The following VIPR1 variants were observed in gnomAD, a reference collection of about 807,000 sequenced individuals.
The protein encoded by VIPR1 is vasoactive intestinal polypeptide receptor 1.
Under a neutral mutation model 58.8 loss-of-function variants are expected in VIPR1, and 59 were observed. That is an observed-to-expected ratio of 1.00 (90% CI 0.81 to 1.25). The LOEUF (loss-of-function observed/expected upper bound fraction) is 1.25, where lower values mean the gene tolerates loss of function less well. Ranked by LOEUF, VIPR1 falls within the 50% of genes most tolerant of loss-of-function variation. The probability of loss-of-function intolerance (pLI) is 0.00; values close to 1 mark genes in which losing one functional copy is unlikely to be tolerated. For synonymous variants in VIPR1, 251 were observed against 242.1 expected (o/e 1.04, Z -0.34); for missense variants, 626 against 602.7 (o/e 1.04, Z -0.40).
chr3:42,517,876 T>C (rs1462412612), intron 2 of VIPR1, among the ~76,000 whole-genome samples: 2 of 152,124 alleles, frequency 1.3e-5, no homozygotes, highest in Admixed American at 1.3e-4. Flanking sequence ...CTCAGAAGGC[T>C]GAGGCAGGAG....
intron 1 of VIPR1, among the ~76,000 whole-genome samples, chr3:42,491,470 G>A (rs568965330): frequency 6.6e-6 from 1 of 152,302 alleles, no homozygotes; most frequent in Admixed American, 6.5e-5. Context: ...TTGAGGTAGA[G>A]GGACAGAGGA....
chr3:42,490,605 A>G (rs1289259948), intron 1 of VIPR1, among the ~76,000 whole-genome samples: 1 of 152,154 alleles, frequency 6.6e-6, no homozygotes, highest in Non-Finnish European at 1.5e-5. Context: ...GAGGGGAGGA[A>G]TGGGTGGGTA....
At chr3:42,490,451 A>T (rs202014079) in intron 1 of VIPR1, among the ~76,000 whole-genome samples, 2 of 152,230 alleles carry the variant, frequency 1.3e-5, no homozygotes, top group East Asian at 3.9e-4. Flanking sequence ...AGAGGAGGCG[A>T]GAGAGGCGTG....
At chr3:42,495,002 G>C (rs900938093) in intron 1 of VIPR1, among the ~76,000 whole-genome samples, 1 of 151,998 alleles carries the variant, frequency 6.6e-6, no homozygotes, top group South Asian at 2.1e-4. Context: ...TTTATTAATT[G>C]TCTATGCGTG....
chr3:42,502,311 GC>G (rs1189816912), upstream of VIPR1: 3 of 156,104 alleles, frequency 1.9e-5, no homozygotes, highest in Non-Finnish European at 2.8e-5. Flanking sequence ...CTGGGATGGG[GC>G]TGAGGGTGGA....
At chr3:42,496,684 C>A (rs1699769719) in intron 1 of VIPR1, among the ~76,000 whole-genome samples, 1 of 152,194 alleles carries the variant, frequency 6.6e-6, no homozygotes, top group Non-Finnish European at 1.5e-5. Context: ...GAATTATCCT[C>A]TTTGTGCCTT....
chr3:42,525,976 G>C lies in VIPR1; in HGVS notation c.382G>C (p.Ala128Pro), dbSNP rs748693373. The change falls in exon 4 of 13, where the codon GCA (alanine) becomes CCA (proline). Residue 128 changes from alanine to proline, a missense_variant. Physicochemically the swap from Ala to Pro is conservative, Grantham distance 27 (BLOSUM62 -1). Coordinates refer to ENST00000325123, the MANE Select transcript of VIPR1 (RefSeq NM_004624.4). Reference protein sequence around the residue: ...YPIACGLDDKAASLDEQQTMF... With the variant: ...YPIACGLDDKPASLDEQQTMF... The stretch of plus-strand genomic sequence containing the variant: ...CATTGCCTGTGGTTTGGATGACAAG[G>C]CAGCGAGTTTGGATGAGGTGGGTCT... 6.2e-7 allele frequency: 1 copy of C among 1,612,810 alleles called. No homozygotes were observed. The highest frequency in any genetic ancestry group is 1.3e-5 in the African/African-American group (1 of 74,922).
At chr3:42,533,422 G>A (rs966854338) in intron 10 of VIPR1, 51 of 128,370 alleles carry the variant, frequency 4.0e-4, no homozygotes, top group African/African-American at 1.7e-3. Context: ...AGGAAAGGCT[G>A]GGGGGGACGG....
At chr3:42,502,365 A>C, upstream of VIPR1, 2 of 179,858 alleles carry the variant, frequency 1.1e-5, no homozygotes, top group Non-Finnish European at 2.3e-5. Context: ...TAAGCATGGA[A>C]GGATGGAATG....
At chr3:42,490,580 C>A (rs1699648128) in intron 1 of VIPR1, among the ~76,000 whole-genome samples, 1 of 152,176 alleles carries the variant, frequency 6.6e-6, no homozygotes, top group African/African-American at 2.4e-5. Flanking sequence ...GCAGTACCCA[C>A]TGGGTTGGGA....
chr3:42,504,283 A>C (rs745327556), intron 1 of VIPR1, among the ~76,000 whole-genome samples: 108 of 152,120 alleles, frequency 7.1e-4, no homozygotes, highest in Non-Finnish European at 7.8e-4. Context: ...CCAGGGGCAG[A>C]GTGGATTCAG....
chr3:42,519,899 G>A (rs1700827772), intron 3 of VIPR1, among the ~76,000 whole-genome samples: 2 of 152,214 alleles, frequency 1.3e-5, no homozygotes. Flanking sequence ...AAACACAGTG[G>A]AGAGAGGATA....
chr3:42,503,975 C>T lies in VIPR1; in HGVS notation c.78+1162C>T, dbSNP rs544482322. On this transcript the variant is annotated intron_variant, in intron 1 of 12. Coordinates refer to ENST00000325123, the MANE Select transcript of VIPR1 (RefSeq NM_004624.4). ...GTTTCCATCTAGCGGATGTCTTGAG[C>T]ACCCTGGGAATGGGAAGCTCATTGC... Among the ~76,000 whole-genome samples, 10 of 152,282 alleles carry T rather than the reference C, an allele frequency of 6.6e-5. No homozygotes were observed. In the East Asian group the frequency reaches 1.9e-3, roughly 29 times the overall value.
chr3:42,512,782 G>A lies in VIPR1; in HGVS notation c.79-967G>A, dbSNP rs943186552. 4.7e-5 allele frequency: 46 copies of A among 985,328 alleles called. No individual in the cohort carries two copies. The African/African-American group carries it at 7.0e-4, about 15-fold the overall frequency. 61.0% of individuals were successfully genotyped at this position (985,328 alleles called of 1,614,324 possible). Reference sequence around the variant, plus strand: ...ATGAGGAAACTGGTGTGGGGTTGCCGGGGCCAGCAACCACTTTTCTAAAGC... The same window carrying A: ...ATGAGGAAACTGGTGTGGGGTTGCCAGGGCCAGCAACCACTTTTCTAAAGC... On this transcript the variant is annotated intron_variant, in intron 1 of 12. Coordinates refer to ENST00000325123, the MANE Select transcript of VIPR1 (RefSeq NM_004624.4).
Position 42,503,962 on chromosome 3 carries a change from C to T in VIPR1, c.78+1149C>T, listed in dbSNP as rs559234446. Among the ~76,000 whole-genome samples the T allele has an allele frequency of 1.1e-3, 162 of 152,158 alleles. 2 individuals are homozygous for T. The highest frequency in any genetic ancestry group is 2.1e-3 in the Non-Finnish European group (144 of 68,028). ...CAGGTATCTCTGTGTTTCCATCTAG[C>T]GGATGTCTTGAGCACCCTGGGAATG... On this transcript the variant is annotated intron_variant, in intron 1 of 12. Coordinates refer to ENST00000325123, the MANE Select transcript of VIPR1 (RefSeq NM_004624.4).
In VIPR1 at chr3:42,515,362, C is replaced by T. The variant is rs6799248; in HGVS notation, c.184+1508C>T. Among the ~76,000 whole-genome samples, 19 of 152,260 alleles carry T rather than the reference C, an allele frequency of 1.2e-4. No individual in the cohort carries two copies. In the South Asian group the frequency reaches 2.9e-3, roughly 23 times the overall value. On this transcript the variant is annotated intron_variant, in intron 2 of 12. Coordinates refer to ENST00000325123, the MANE Select transcript of VIPR1 (RefSeq NM_004624.4). ...GGCCCAGAGACTGAGGCATGGGTCA[C>T]GGGGTGGCTGGGCCTGCCCACTACC...
At chr3:42,513,363 T>G in intron 1 of VIPR1, 1 of 174,586 alleles carries the variant, frequency 5.7e-6, no homozygotes, top group Non-Finnish European at 1.2e-5. Context: ...CTGGCCCCAC[T>G]CATCAGGGAG....
At position 42,531,873 on chromosome 3, in the gene VIPR1, A is replaced by C; in HGVS notation, c.918+4A>C. ...CCCCATCCTCACCTCCATCTTGGTAAGATACCCTCCCACCACCTAGAGATG... is the reference window on the plus strand; with the variant it reads ...CCCCATCCTCACCTCCATCTTGGTACGATACCCTCCCACCACCTAGAGATG... On this transcript the variant is annotated splice_donor_region_variant and intron_variant, in intron 9 of 12. Transcript: ENST00000325123. The C allele has an allele frequency of 3.1e-6, 5 of 1,614,144 alleles. No individual in the cohort carries two copies. The highest frequency in any genetic ancestry group is 4.2e-6 in the Non-Finnish European group (5 of 1,180,008).
At chr3:42,530,722 GC>G (rs1701493770) in intron 6 of VIPR1, 56 bp from the exon 7 acceptor site, 1 of 1,581,654 alleles carries the variant, frequency 6.3e-7, no homozygotes, top group Middle Eastern at 1.7e-4. Flanking sequence ...ACGAGTGTGG[GC>G]AGTCAAGGAC....
Sources: allele counts gnomAD v4.1 joint callset (sites outside exome capture counted in the v4.1 genomes callset), GRCh38; gene constraint gnomAD v4.1.1; transcripts MANE v1.5; gene names NCBI Gene and HGNC (gene_info 2026-07-23, HGNC 2026-07-21).